The following FRMPD4 variants were observed in gnomAD, a reference collection of about 807,000 sequenced individuals.
The protein encoded by FRMPD4 is FERM and PDZ domain-containing protein 4.
FRMPD4 carries 22 observed loss-of-function variants against 94.1 expected under a neutral mutation model. That is an observed-to-expected ratio of 0.23 (90% confidence interval 0.17 to 0.33). The LOEUF is 0.33. FRMPD4 is among the 10% of genes least tolerant of loss of function. The pLI is 1.00. For synonymous variants in FRMPD4, 631 were observed against 548.6 expected (o/e 1.15, Z -2.10); for missense variants, 1,111 against 1,339.9 (o/e 0.83, Z 2.67).
intron 3 of FRMPD4, among the ~76,000 whole-genome samples, chrX:12,084,172 C>G (rs148796837): frequency 0.023 from 1,518 of 65,310 alleles, 13 homozygotes; most frequent in Admixed American, 0.028. Context: ...ATGGGAGGGA[C>G]CCAGTGGGGG....
In FRMPD4 at chrX:12,696,586, C is replaced by CAAAAAAAAAAAAAAAAAAAAAAAAAAA. The variant is rs57877846; in HGVS notation, c.933+2152_933+2153insAAAAAAAAAAAAAAAAAAAAAAAAAAA. On this transcript the variant is annotated intron_variant, in intron 9 of 16. Transcript: ENST00000675598. ...AAAGAGAGAAAAAACAAAAATGAAG[C>CAAAAAAAAAAAAAAAAAAAAAAAAAAA]AAAAAAAAAAAAAAAAAAAAGACAC... 1.3e-4 allele frequency among the ~76,000 whole-genome samples: 4 copies of CAAAAAAAAAAAAAAAAAAAAAAAAAAA among 30,061 alleles called. 1 individual carries two copies. The highest frequency in any genetic ancestry group is 2.1e-4 in the African/African-American group (2 of 9,502). 26.1% of individuals were successfully genotyped at this position (30,061 alleles called of 115,157 possible).
chrX:11,998,491 C>CA (rs1411368215), intron 3 of FRMPD4, among the ~76,000 whole-genome samples: 1 of 111,283 alleles, frequency 9.0e-6, no homozygotes. Context: ...GAGGGCAGGA[C>CA]ATCCATTAGC....
chrX:12,518,612 C>T (rs1166505400), intron 2 of FRMPD4, among the ~76,000 whole-genome samples: 1 of 111,859 alleles, frequency 8.9e-6, no homozygotes, highest in Non-Finnish European at 1.9e-5. Context: ...TAACATTATA[C>T]TCAATGCTGA....
chrX:11,823,072 T>C (rs755254663), intron 1 of FRMPD4, among the ~76,000 whole-genome samples: 12 of 110,844 alleles, frequency 1.1e-4, no homozygotes, highest in African/African-American at 3.6e-4. Flanking sequence ...GAATTCATGA[T>C]TGGGTGGGAT....
chrX:11,827,567 A>G (rs2053451569), intron 1 of FRMPD4, among the ~76,000 whole-genome samples: 1 of 111,361 alleles, frequency 9.0e-6, no homozygotes, highest in Admixed American at 9.6e-5. Flanking sequence ...GTAGTAGTCC[A>G]TATTTAATGA....
chrX:12,652,791 CAA>C (rs765237672), intron 4 of FRMPD4, among the ~76,000 whole-genome samples: 1 of 111,588 alleles, frequency 9.0e-6, no homozygotes, highest in Non-Finnish European at 1.9e-5. Context: ...CTGCACAAGG[CAA>C]TACAGAGCAG....
At chrX:12,630,674 AC>A (rs2059387326) in intron 4 of FRMPD4, among the ~76,000 whole-genome samples, 1 of 110,183 alleles carries the variant, frequency 9.1e-6, no homozygotes, top group Non-Finnish European at 1.9e-5. Context: ...TTTGTAATCC[AC>A]CCCCCAGGGT....
At chrX:12,696,182 G>C (rs2060126463) in intron 9 of FRMPD4, among the ~76,000 whole-genome samples, 2 of 112,213 alleles carry the variant, frequency 1.8e-5, no homozygotes, top group Admixed American at 9.4e-5. Context: ...TCATTCATTT[G>C]ATGCTTAAAT....
intron 7 of FRMPD4, among the ~76,000 whole-genome samples, 200 bp from the exon 8 acceptor site, chrX:12,689,995 G>A (rs1418813997): frequency 2.7e-5 from 3 of 112,527 alleles, no homozygotes; most frequent in East Asian, 2.8e-4. Context: ...AATGATCGAG[G>A]AGGCCAGGAA....
At chrX:12,692,496 A>G (rs1003238383) in intron 8 of FRMPD4, among the ~76,000 whole-genome samples, 1 of 112,499 alleles carries the variant, frequency 8.9e-6, no homozygotes, top group Non-Finnish European at 1.9e-5. Flanking sequence ...AAACCTCCCA[A>G]TGGAACTTTT....
chrX:12,511,064 A>G (rs1433814539), intron 2 of FRMPD4, among the ~76,000 whole-genome samples: 1 of 112,539 alleles, frequency 8.9e-6, no homozygotes, highest in Non-Finnish European at 1.9e-5. Flanking sequence ...ACACAAACGC[A>G]GAGAAGACAG....
chrX:11,894,964 T>C lies in FRMPD4; in HGVS notation c.95+16946T>C, dbSNP rs528898362. ...ACATGCGGCAGATAGGGGAAGGCAT[T>C]GGAGACAGACCAAGCAAGTGGAATC... On this transcript the variant is annotated intron_variant, in intron 3 of 18. Transcript: ENST00000640291. Among the ~76,000 whole-genome samples, 25 of 112,038 alleles carry C rather than the reference T, an allele frequency of 2.2e-4. No homozygotes were observed. The South Asian group carries it at 9.4e-3, about 42-fold the overall frequency.
chrX:12,042,764 T>C (rs1170399404), intron 3 of FRMPD4, among the ~76,000 whole-genome samples: 1 of 112,003 alleles, frequency 8.9e-6, no homozygotes, highest in Non-Finnish European at 1.9e-5. Flanking sequence ...AACCATGTCC[T>C]TGTGAAATTT....
At chrX:12,702,447 G>A (rs1399571406) in intron 10 of FRMPD4, among the ~76,000 whole-genome samples, 1 of 111,816 alleles carries the variant, frequency 8.9e-6, no homozygotes, top group Non-Finnish European at 1.9e-5. Context: ...CAGGCAGTGG[G>A]ACTCCCCGTT....
At chrX:12,654,040 G>A (rs990371693) in intron 4 of FRMPD4, among the ~76,000 whole-genome samples, 34 of 112,063 alleles carry the variant, frequency 3.0e-4, no homozygotes, top group African/African-American at 9.7e-4. Flanking sequence ...CAAAGTGCTG[G>A]CATTACAGGC....
intron 2 of FRMPD4, among the ~76,000 whole-genome samples, chrX:12,583,748 G>T (rs1230128641): frequency 8.9e-6 from 1 of 112,753 alleles, no homozygotes; most frequent in Non-Finnish European, 1.9e-5. Context: ...CCAGCTGTCT[G>T]CAGGTTAACT....
chrX:12,459,930 A>G (rs2057374864), intron 1 of FRMPD4, among the ~76,000 whole-genome samples: 2 of 112,021 alleles, frequency 1.8e-5, no homozygotes, highest in Admixed American at 1.9e-4. Context: ...ATGAGAGTCC[A>G]GTTGATTCAT....
chrX:12,430,724 C>T (rs2057000960), intron 1 of FRMPD4, among the ~76,000 whole-genome samples: 1 of 111,866 alleles, frequency 8.9e-6, no homozygotes, highest in Admixed American at 9.5e-5. Flanking sequence ...AATGAATTAC[C>T]CTTTTGAGTT....
Position 12,265,844 on chromosome X carries a change from A to G in FRMPD4, c.41+126832A>G, listed in dbSNP as rs4497149. On this transcript the variant is annotated intron_variant, in intron 1 of 16. Coordinates refer to ENST00000675598, the MANE Select transcript of FRMPD4 (RefSeq NM_001368397.1). Reference sequence around the variant, plus strand: ...AATAGAAAATCTATTTAAAACAAACAAAAGCCGGGCGCGGTGGCTCAAGCC... The same window carrying G: ...AATAGAAAATCTATTTAAAACAAACGAAAGCCGGGCGCGGTGGCTCAAGCC... 8.4e-3 allele frequency among the ~76,000 whole-genome samples: 927 copies of G among 110,474 alleles called. 10 individuals carry two copies. The highest frequency in any genetic ancestry group is 0.029 in the African/African-American group (876 of 30,333).
Sources: allele counts gnomAD v4.1 joint callset (sites outside exome capture counted in the v4.1 genomes callset), GRCh38; gene constraint gnomAD v4.1.1; transcripts MANE v1.5; gene names NCBI Gene and HGNC (gene_info 2026-07-23, HGNC 2026-07-21).